The following MGRN1 variants were observed in gnomAD, a reference collection of about 807,000 sequenced individuals.
MGRN1 encodes the protein mahogunin ring finger 1, also known as E3 ubiquitin-protein ligase MGRN1.
MGRN1 carries 29 observed loss-of-function variants against 69.2 expected under a neutral mutation model. The observed-to-expected ratio is 0.42, with a 90% CI of 0.31 to 0.57. MGRN1 has a LOEUF of 0.57. Among genes scored for constraint, MGRN1 ranks in the 20% least tolerant of loss-of-function variants. The probability of loss-of-function intolerance (pLI) is 0.15; values close to 1 mark genes in which losing one functional copy is unlikely to be tolerated. For missense variants in MGRN1, 998 were observed against 796.2 expected (o/e 1.25, Z -3.05); for synonymous variants, 470 against 344.2 (o/e 1.37, Z -4.04).
In MGRN1 at chr16:4,685,702, C is replaced by G. The variant is rs535829597; in HGVS notation, c.1618+1770C>G. Among the ~76,000 whole-genome samples the G allele has an allele frequency of 3.3e-5, 5 of 152,368 alleles. No homozygotes were observed. The East Asian group carries it at 7.7e-4, about 23-fold the overall frequency. Reference sequence around the variant, plus strand: ...GTGTTTTTAAATCCATGTGGTGGCCCCTCTGTTCCACTGACTTTTTCACAT... The same window carrying G: ...GTGTTTTTAAATCCATGTGGTGGCCGCTCTGTTCCACTGACTTTTTCACAT... On this transcript the variant is annotated intron_variant, in intron 16 of 16. Transcript: ENST00000262370.
intron 16 of MGRN1, chr16:4,687,527 C>G: frequency 2.0e-6 from 2 of 976,656 alleles, no homozygotes; most frequent in Non-Finnish European, 2.4e-6. Flanking sequence ...AAAATACACA[C>G]ACACCCACCC....
intron 16 of MGRN1, chr16:4,686,380 C>T (rs1408305181): frequency 8.6e-6 from 13 of 1,508,364 alleles, no homozygotes; most frequent in South Asian, 2.5e-5. Context: ...TGCTCTCTGG[C>T]GGGGGTTCCT....
intron 13 of MGRN1, among the ~76,000 whole-genome samples, chr16:4,682,603 TC>T (rs2079213856): frequency 6.6e-6 from 1 of 152,106 alleles, no homozygotes; most frequent in Non-Finnish European, 1.5e-5. Context: ...TGCCAGTGTG[TC>T]GGGAGCCCCT....
intron 10 of MGRN1, among the ~76,000 whole-genome samples, chr16:4,675,758 G>A (rs746689502): frequency 3.3e-5 from 5 of 151,918 alleles, no homozygotes; most frequent in Non-Finnish European, 7.4e-5. Flanking sequence ...AAATTATAGC[G>A]AAGTGAAAAC....
At position 4,677,373 on chromosome 16, in the gene MGRN1, T is replaced by TG. The variant is rs542885021; in HGVS notation, c.956-82dup. The TG allele has an allele frequency of 1.9e-3, 1,766 of 950,544 alleles. 19 individuals carry two copies. In the East Asian group the frequency reaches 0.032, roughly 17 times the overall value. The allele number at this position is 950,544 out of a possible 1,614,324, so 58.9% of individuals were successfully genotyped here. On this transcript the variant is annotated intron_variant, in intron 10 of 16. Coordinates refer to ENST00000262370, the MANE Select transcript of MGRN1 (RefSeq NM_015246.4). ...GGGTCACCCCAGGACCCCTATGGTG[T>TG]GGGGGGGGTGTTGATCCCTGGGGCT...
At chr16:4,684,452 A>G (rs2079261556) in intron 16 of MGRN1, among the ~76,000 whole-genome samples, 1 of 152,222 alleles carries the variant, frequency 6.6e-6, no homozygotes, top group African/African-American at 2.4e-5. Flanking sequence ...TGGGCCACAG[A>G]GCGCAGGGGC....
At chr16:4,665,061 A>T (rs2141924531) in intron 6 of MGRN1, 41 bp from the exon 7 acceptor site, 1 of 1,611,156 alleles carries the variant, frequency 6.2e-7, no homozygotes, top group East Asian at 2.2e-5. Context: ...TGGGTGGGGC[A>T]GGCCCCGACT....
chr16:4,665,435 C>G (rs1319922870), intron 7 of MGRN1, among the ~76,000 whole-genome samples: 8 of 149,540 alleles, frequency 5.3e-5, no homozygotes, highest in African/African-American at 2.0e-4. Flanking sequence ...CGTGATCTCT[C>G]TCGGCTCACT....
intron 5 of MGRN1, among the ~76,000 whole-genome samples, chr16:4,662,970 T>C (rs1462665461): frequency 6.6e-6 from 1 of 152,196 alleles, no homozygotes; most frequent in Non-Finnish European, 1.5e-5. Context: ...GTGAGGCCTG[T>C]GGTCGGTCTT....
intron 16 of MGRN1, chr16:4,688,352 TG>T (rs1457329086): frequency 2.0e-6 from 2 of 992,414 alleles, no homozygotes; most frequent in Non-Finnish European, 2.4e-6. Context: ...GGGGCTACTC[TG>T]AGCACGGGCT....
Position 4,688,778 on chromosome 16 carries a change from C to G in MGRN1, c.1619-18C>G, listed in dbSNP as rs1214900987. On this transcript the variant is annotated intron_variant, in intron 16 of 16. Coordinates refer to ENST00000262370, the MANE Select transcript of MGRN1 (RefSeq NM_015246.4). ...AGGCATCCGAGTGTGACCCTCCTCC[C>G]TCTGCTCCCACCTGCAGGACGGCCC... The G allele has an allele frequency of 6.5e-6, 10 of 1,533,044 alleles. No homozygotes were observed. The East Asian group carries it at 2.5e-4, about 38-fold the overall frequency. The allele number at this position is 1,533,044 out of a possible 1,614,324, so 95.0% of individuals were successfully genotyped here.
chr16:4,629,466 C>T (rs1326870833), intron 1 of MGRN1, among the ~76,000 whole-genome samples: 3 of 152,076 alleles, frequency 2.0e-5, no homozygotes, highest in Non-Finnish European at 4.4e-5. Context: ...TGGGCCCAGG[C>T]ATGGTGGCTC....
intron 15 of MGRN1, 100 bp from the exon 16 acceptor site, chr16:4,683,743 C>T: frequency 2.0e-6 from 2 of 1,023,208 alleles, no homozygotes; most frequent in African/African-American, 1.6e-5. Context: ...CCCACAGTGG[C>T]TACAGAGCCC....
At chr16:4,652,848 C>T (rs575535006) in intron 4 of MGRN1, 24 bp downstream of exon 4, 3 of 1,574,634 alleles carry the variant, frequency 1.9e-6, no homozygotes, top group Non-Finnish European at 2.6e-6. Context: ...GCGGCTGGCA[C>T]CGGCCTGGCT....
At chr16:4,683,768 C>G in intron 15 of MGRN1, 75 bp from the exon 16 acceptor site, 1 of 1,322,818 alleles carries the variant, frequency 7.6e-7, no homozygotes, top group Non-Finnish European at 1.1e-6. Flanking sequence ...GTAAGAGAGA[C>G]GGCCTCCTGC....
chr16:4,639,606 C>T (rs756497571), intron 1 of MGRN1, among the ~76,000 whole-genome samples: 3 of 152,300 alleles, frequency 2.0e-5, no homozygotes, highest in Middle Eastern at 3.4e-3. Context: ...ACAGCGTCTG[C>T]CCCCTCGGTG....
In MGRN1 at chr16:4,683,093, G is replaced by A. The variant is rs996327071; in HGVS notation, c.1483-131G>A. On this transcript the variant is annotated intron_variant, in intron 14 of 16. Coordinates refer to ENST00000262370, the MANE Select transcript of MGRN1 (RefSeq NM_015246.4). Reference sequence around the variant, plus strand: ...CTGAGCTGCGCGGCTCCTTAGCCTCGGTCTGTGGAGGCAGCACCCCCTGGT... The same window carrying A: ...CTGAGCTGCGCGGCTCCTTAGCCTCAGTCTGTGGAGGCAGCACCCCCTGGT... 8.7e-5 allele frequency: 130 copies of A among 1,498,010 alleles called. No homozygotes were observed. The Middle Eastern group carries it at 1.1e-3, about 13-fold the overall frequency. 92.8% of individuals were successfully genotyped at this position (1,498,010 alleles called of 1,614,324 possible). A position where few individuals can be genotyped will look rare whatever the true frequency, so the allele number is the denominator to read the frequency against.
chr16:4,684,677 G>A (rs543907040), intron 16 of MGRN1, among the ~76,000 whole-genome samples: 1 of 152,388 alleles, frequency 6.6e-6, no homozygotes, highest in African/African-American at 2.4e-5. Flanking sequence ...GCTCTGCTGG[G>A]ATAAGATCCT....
intron 16 of MGRN1, chr16:4,688,094 A>C: frequency 3.0e-6 from 3 of 985,442 alleles, no homozygotes; most frequent in Non-Finnish European, 3.6e-6. Context: ...AAGAAAATAG[A>C]CGCCCTTCAC....
Sources: gnomAD v4.1 joint callset for allele counts (sites outside exome capture counted in the v4.1 genomes callset) on GRCh38, gnomAD v4.1.1 for gene constraint, MANE v1.5 for transcripts, NCBI Gene and HGNC (gene_info 2026-07-23, HGNC 2026-07-21) for gene names.